The following NFIB variants were observed in gnomAD, a reference collection of about 807,000 sequenced individuals.
The protein encoded by NFIB is nuclear factor I B.
In NFIB, 11 loss-of-function variants were observed where a neutral mutation model predicts 61.5. The observed-to-expected ratio is 0.18, with a 90% CI of 0.11 to 0.30. NFIB has a LOEUF of 0.30. NFIB is among the 10% of genes least tolerant of loss of function. The probability of loss-of-function intolerance (pLI) is 1.00; values close to 1 mark genes in which losing one functional copy is unlikely to be tolerated. For missense variants in NFIB, 471 were observed against 608.9 expected, an observed-to-expected ratio of 0.77 and a Z score of 2.38; for synonymous variants, 260 against 216.5, an observed-to-expected ratio of 1.20 and a Z score of -1.76.
chr9:14,415,372 T>C, the NFIB span, among the ~76,000 whole-genome samples: 1 of 152,176 alleles, frequency 6.6e-6, no homozygotes. Flanking sequence ...ACACATGACT[T>C]ATACCATATA....
At chr9:14,405,294 C>A in the NFIB span, among the ~76,000 whole-genome samples, 1 of 152,178 alleles carries the variant, frequency 6.6e-6, no homozygotes, top group Non-Finnish European at 1.5e-5. Flanking sequence ...GAGAAAAAAA[C>A]TTCTATTGTA....
upstream of NFIB, among the ~76,000 whole-genome samples, chr9:14,317,550 C>CA (rs1467799022): frequency 1.3e-5 from 2 of 152,062 alleles, no homozygotes; most frequent in Non-Finnish European, 2.9e-5. Context: ...CGAGGAAAAC[C>CA]AAAAAGGAAT....
intron 2 of NFIB, chr9:14,204,426 A>G: frequency 6.1e-6 from 7 of 1,145,812 alleles, no homozygotes; most frequent in Non-Finnish European, 9.1e-6. Flanking sequence ...TGGCCCCGCT[A>G]TAGCAGGTTG....
Position 14,138,915 on chromosome 9 carries a change from T to C in NFIB, c.925+7774A>G, listed in dbSNP as rs2041374562. Among the ~76,000 whole-genome samples, 6 of 152,134 alleles carry C rather than the reference T, an allele frequency of 3.9e-5. No individual in the cohort carries two copies. The South Asian group carries it at 1.0e-3, about 26-fold the overall frequency. ...TTATGTGTGTGTGTGTGTGTGTATGTATATGTAAAATTTTACCATCTCAAA... is the reference window on the plus strand; with the variant it reads ...TTATGTGTGTGTGTGTGTGTGTATGCATATGTAAAATTTTACCATCTCAAA... On this transcript the variant is annotated intron_variant, in intron 6 of 10. Transcript: ENST00000380953.
chr9:14,274,169 C>G (rs1218076706), intron 2 of NFIB, among the ~76,000 whole-genome samples: 1 of 150,940 alleles, frequency 6.6e-6, no homozygotes, highest in Non-Finnish European at 1.5e-5. Context: ...GTAGACATTT[C>G]CACTGGTAGT....
the NFIB span, among the ~76,000 whole-genome samples, chr9:14,405,394 A>G: frequency 2.6e-5 from 4 of 152,330 alleles, no homozygotes; most frequent in South Asian, 6.2e-4. Flanking sequence ...GAATGTTGCC[A>G]TAACAAAAAC....
the NFIB span, among the ~76,000 whole-genome samples, chr9:14,475,718 T>C: frequency 6.6e-6 from 1 of 152,166 alleles, no homozygotes; most frequent in Non-Finnish European, 1.5e-5. Context: ...ACCTGTCAAA[T>C]TCACACAAAG....
At chr9:14,427,944 T>TTTTTTTTTTTTTTTTTTTTG in the NFIB span, among the ~76,000 whole-genome samples, 1 of 83,182 alleles carries the variant, frequency 1.2e-5, no homozygotes. Flanking sequence ...GTTGTTTTTT[T>TTTTTTTTTTTTTTTTTTTTG]TTTTTTTTTT....
chr9:14,157,900 C>T (rs1049404359), intron 3 of NFIB, among the ~76,000 whole-genome samples: 1 of 151,986 alleles, frequency 6.6e-6, no homozygotes, highest in Non-Finnish European at 1.5e-5. Flanking sequence ...ATCACAAGAT[C>T]AGGAGTTTGA....
intron 2 of NFIB, among the ~76,000 whole-genome samples, chr9:14,244,259 G>C (rs764557338): frequency 6.6e-6 from 1 of 152,116 alleles, no homozygotes. Flanking sequence ...AATTCAGTTT[G>C]TACAACATAA....
In NFIB at chr9:14,262,639, G is replaced by A. The variant is rs1174644886; in HGVS notation, c.562+44350C>T. Among the ~76,000 whole-genome samples the A allele has an allele frequency of 2.6e-5, 4 of 152,078 alleles. No homozygotes were observed. In the East Asian group the frequency reaches 7.7e-4, roughly 29 times the overall value. ...TTTATGCTGGCTTATAACGGCTAGG[G>A]TTTTCTGAGATGCCTTCTCCTTTCG... On this transcript the variant is annotated intron_variant, in intron 2 of 10. Coordinates refer to ENST00000380953, the MANE Select transcript of NFIB (RefSeq NM_001190737.2).
the NFIB span, among the ~76,000 whole-genome samples, chr9:14,414,793 A>C: frequency 6.6e-6 from 1 of 152,210 alleles, no homozygotes; most frequent in African/African-American, 2.4e-5. Flanking sequence ...CAAAATATTT[A>C]CAAGTATATA....
the NFIB span, among the ~76,000 whole-genome samples, chr9:14,449,079 C>T: frequency 6.6e-6 from 1 of 151,962 alleles, no homozygotes; most frequent in Non-Finnish European, 1.5e-5. Flanking sequence ...AAATTTGATG[C>T]AATTTGATGC....
At chr9:14,166,996 G>T (rs1427015056) in intron 3 of NFIB, among the ~76,000 whole-genome samples, 1 of 146,644 alleles carries the variant, frequency 6.8e-6, no homozygotes, top group African/African-American at 2.5e-5. Flanking sequence ...TATTTTCAAA[G>T]ATATGTCCTC....
intron 2 of NFIB, among the ~76,000 whole-genome samples, chr9:14,239,702 C>A (rs1035013389): frequency 6.6e-6 from 1 of 152,098 alleles, no homozygotes; most frequent in Non-Finnish European, 1.5e-5. Flanking sequence ...AAGAACCTTA[C>A]ACGATTATAA....
intron 1 of NFIB, among the ~76,000 whole-genome samples, chr9:14,397,932 G>A (rs1374906277): frequency 6.6e-6 from 1 of 152,076 alleles, no homozygotes; most frequent in Admixed American, 6.5e-5. Context: ...TTCTCATGTC[G>A]CCTGGGTGGT....
At chr9:14,223,990 G>C (rs1186375485) in intron 2 of NFIB, among the ~76,000 whole-genome samples, 4 of 152,112 alleles carry the variant, frequency 2.6e-5, no homozygotes, top group African/African-American at 7.2e-5. Flanking sequence ...TGAGCAAACA[G>C]GATTCCCCCT....
chr9:14,128,140 A>G (rs2039924215), intron 6 of NFIB, among the ~76,000 whole-genome samples: 2 of 152,168 alleles, frequency 1.3e-5, no homozygotes, highest in South Asian at 4.1e-4. Context: ...CCTCTAACTA[A>G]TGGATGTAAA....
intron 1 of NFIB, among the ~76,000 whole-genome samples, chr9:14,359,209 A>G (rs978842092): frequency 6.6e-6 from 1 of 152,170 alleles, no homozygotes; most frequent in African/African-American, 2.4e-5. Flanking sequence ...ATATGTCCAA[A>G]TCCTAGCCTG....
Sources: allele counts gnomAD v4.1 joint callset (sites outside exome capture counted in the v4.1 genomes callset), GRCh38; gene constraint gnomAD v4.1.1; transcripts MANE v1.5; gene names NCBI Gene and HGNC (gene_info 2026-07-23, HGNC 2026-07-21).